RABGAP1L: variants seen among roughly 807,000 people sequenced by gnomAD.
The protein encoded by RABGAP1L is RAB GTPase activating protein 1 like, also known as rab GTPase-activating protein 1-like.
In RABGAP1L, 63 loss-of-function variants were observed where a neutral mutation model predicts 137.7. The observed-to-expected ratio is 0.46, with a 90% CI of 0.37 to 0.56. RABGAP1L has a LOEUF of 0.56. Among genes scored for constraint, RABGAP1L ranks in the 20% least tolerant of loss-of-function variants. The probability of loss-of-function intolerance (pLI) is 0.00; values close to 1 mark genes in which losing one functional copy is unlikely to be tolerated. For missense variants in RABGAP1L, 1,095 were observed against 1,244.0 expected (o/e 0.88, Z 1.80); for synonymous variants, 431 against 433.7 (o/e 0.99, Z 0.08).
chr1:174,423,608 C>G (rs1223841002), intron 13 of RABGAP1L, among the ~76,000 whole-genome samples: 2 of 152,024 alleles, frequency 1.3e-5, no homozygotes, highest in Non-Finnish European at 2.9e-5. Flanking sequence ...AAGTAATATG[C>G]CTTGGGATGA....
intron 12 of RABGAP1L, among the ~76,000 whole-genome samples, chr1:174,383,616 C>G (rs998222629): frequency 6.6e-6 from 1 of 152,198 alleles, no homozygotes; most frequent in Non-Finnish European, 1.5e-5. Context: ...CTTGCGCTTC[C>G]CAAGTGAGGC....
At chr1:174,923,795 C>T (rs1247094156) in intron 19 of RABGAP1L, among the ~76,000 whole-genome samples, 1 of 150,392 alleles carries the variant, frequency 6.6e-6, no homozygotes, top group African/African-American at 2.4e-5. Context: ...GCAGGAGAAT[C>T]GCGTCAACCT....
chr1:174,177,295 G>A (rs542776125), intron 1 of RABGAP1L, among the ~76,000 whole-genome samples: 2 of 152,224 alleles, frequency 1.3e-5, no homozygotes, highest in Non-Finnish European at 2.9e-5. Context: ...AGAAGTGTCT[G>A]TTCATATCCT....
At chr1:174,444,161 CT>C (rs1654473943) in intron 13 of RABGAP1L, among the ~76,000 whole-genome samples, 1 of 149,408 alleles carries the variant, frequency 6.7e-6, no homozygotes, top group Admixed American at 6.7e-5. Context: ...TATTCAGGGT[CT>C]TTTGTAGTTC....
chr1:174,277,107 G>T (rs1675065694), intron 9 of RABGAP1L, among the ~76,000 whole-genome samples: 1 of 152,022 alleles, frequency 6.6e-6, no homozygotes, highest in Non-Finnish European at 1.5e-5. Context: ...GCATTAAAAT[G>T]ATAATTATTC....
At chr1:174,586,383 C>A (rs1338334966) in intron 13 of RABGAP1L, among the ~76,000 whole-genome samples, 1 of 151,496 alleles carries the variant, frequency 6.6e-6, no homozygotes, top group Non-Finnish European at 1.5e-5. Flanking sequence ...CACACTGGGA[C>A]CTGTCAGGGG....
chr1:174,303,144 A>AT (rs1222351249), intron 10 of RABGAP1L, among the ~76,000 whole-genome samples: 1 of 151,122 alleles, frequency 6.6e-6, no homozygotes, highest in Non-Finnish European at 1.5e-5. Flanking sequence ...TTTTCATGTG[A>AT]TTTAATGTAT....
At chr1:174,497,850 G>T (rs1281380300) in intron 13 of RABGAP1L, among the ~76,000 whole-genome samples, 1 of 152,202 alleles carries the variant, frequency 6.6e-6, no homozygotes, top group Non-Finnish European at 1.5e-5. Context: ...TTCATCTGTT[G>T]TTGAGTATCT....
At chr1:174,343,768 G>A (rs1418636725) in intron 11 of RABGAP1L, among the ~76,000 whole-genome samples, 2 of 151,926 alleles carry the variant, frequency 1.3e-5, no homozygotes, top group East Asian at 3.9e-4. Flanking sequence ...AAAAGGAGTG[G>A]GTACTCCTTT....
intron 12 of RABGAP1L, among the ~76,000 whole-genome samples, chr1:174,379,163 A>G (rs2149031353): frequency 6.7e-6 from 1 of 149,836 alleles, no homozygotes; most frequent in African/African-American, 2.5e-5. Context: ...TTTTGGTACC[A>G]GTACCATGCT....
chr1:174,546,583 C>G (rs902181082), intron 13 of RABGAP1L, among the ~76,000 whole-genome samples: 1 of 152,210 alleles, frequency 6.6e-6, no homozygotes, highest in Non-Finnish European at 1.5e-5. Context: ...GAACTTTTCT[C>G]TGAATCCTTT....
chr1:174,984,235 G>C (rs1415812836), intron 24 of RABGAP1L, among the ~76,000 whole-genome samples: 1 of 151,796 alleles, frequency 6.6e-6, no homozygotes, highest in South Asian at 2.1e-4. Flanking sequence ...CTGTGTCCAT[G>C]TGTTCTCAGT....
chr1:174,708,398 A>T (rs1286667104), intron 17 of RABGAP1L, among the ~76,000 whole-genome samples: 1 of 152,168 alleles, frequency 6.6e-6, no homozygotes, highest in Non-Finnish European at 1.5e-5. Context: ...TCCCAATGAG[A>T]CCAATGCAGA....
intron 19 of RABGAP1L, among the ~76,000 whole-genome samples, chr1:174,878,925 G>GTTTTTTTTTTTTTTTTT (rs869251284): frequency 3.5e-5 from 3 of 85,184 alleles, no homozygotes; most frequent in Admixed American, 1.4e-4. Context: ...TTTGTGCATT[G>GTTTTTTTTTTTTTTTTT]TTTTTTTTTT....
At chr1:174,321,715 A>G (rs1300731185) in intron 11 of RABGAP1L, among the ~76,000 whole-genome samples, 2 of 152,168 alleles carry the variant, frequency 1.3e-5, no homozygotes, top group Non-Finnish European at 2.9e-5. Flanking sequence ...TTCCATCCCT[A>G]CCAGCAATAG....
intron 13 of RABGAP1L, among the ~76,000 whole-genome samples, chr1:174,612,863 T>C (rs1671399132): frequency 6.6e-6 from 1 of 152,170 alleles, no homozygotes; most frequent in Non-Finnish European, 1.5e-5. Flanking sequence ...TGTAGTATTC[T>C]CTGATGGTAG....
intron 13 of RABGAP1L, among the ~76,000 whole-genome samples, chr1:174,481,864 T>TA (rs1269064358): frequency 9.3e-6 from 1 of 107,338 alleles, no homozygotes; most frequent in African/African-American, 3.4e-5. Flanking sequence ...CCCTAAAACT[T>TA]AAAGTATAAT....
intron 18 of RABGAP1L, among the ~76,000 whole-genome samples, chr1:174,797,484 GGT>G (rs1374831592): frequency 8.8e-4 from 130 of 148,066 alleles, no homozygotes; most frequent in African/African-American, 3.0e-3. Flanking sequence ...GTGTTGGGGG[GGT>G]GTGTGTGTGT....
chr1:174,457,527 G>A (rs1170256392), intron 13 of RABGAP1L, among the ~76,000 whole-genome samples: 1 of 142,534 alleles, frequency 7.0e-6, no homozygotes, highest in Non-Finnish European at 1.5e-5. Flanking sequence ...TGTCACCCAG[G>A]CTGGAGAGTG....
Sources: gnomAD v4.1 joint callset for allele counts (sites outside exome capture counted in the v4.1 genomes callset) on GRCh38, gnomAD v4.1.1 for gene constraint, MANE v1.5 for transcripts, NCBI Gene and HGNC (gene_info 2026-07-23, HGNC 2026-07-21) for gene names.